Variants in PSPC1 observed in about 807,000 individuals in gnomAD.
The protein encoded by PSPC1 is paraspeckle protein 1.
In PSPC1, 14 loss-of-function variants were observed where a neutral mutation model predicts 51.6. The ratio of observed to expected loss-of-function variants is 0.27; its 90% confidence interval spans 0.18 to 0.42. The LOEUF (loss-of-function observed/expected upper bound fraction) is 0.42. PSPC1 is among the 10% of genes least tolerant of loss of function. The pLI is 1.00. For missense variants in PSPC1, 406 were observed against 701.1 expected, an observed-to-expected ratio of 0.58 and a Z score of 4.75; for synonymous variants, 193 against 231.9, an observed-to-expected ratio of 0.83 and a Z score of 1.53.
chr13:19,706,846 C>T (rs748010163), intron 7 of PSPC1, among the ~76,000 whole-genome samples: 4 of 152,150 alleles, frequency 2.6e-5, no homozygotes, highest in Admixed American at 6.5e-5. Context: ...CTCTATATGG[C>T]TGAGTCCTTA....
intron 6 of PSPC1, among the ~76,000 whole-genome samples, chr13:19,727,239 C>G (rs1266336551): frequency 1.3e-5 from 2 of 151,948 alleles, no homozygotes; most frequent in Non-Finnish European, 2.9e-5. Context: ...ACCAAAAATA[C>G]AAAAATTAGC....
At chr13:19,755,346 T>C (rs113828022) in intron 3 of PSPC1, among the ~76,000 whole-genome samples, 1 of 152,102 alleles carries the variant, frequency 6.6e-6, no homozygotes, top group Non-Finnish European at 1.5e-5. Flanking sequence ...TCCCAGCACT[T>C]TGGGAGGCTG....
At chr13:19,769,552 CA>C (rs1004813632) in intron 2 of PSPC1, among the ~76,000 whole-genome samples, 2 of 149,394 alleles carry the variant, frequency 1.3e-5, no homozygotes, top group Admixed American at 1.3e-4. Flanking sequence ...GACTCCGTCT[CA>C]AAAAAAAACC....
intron 3 of PSPC1, among the ~76,000 whole-genome samples, chr13:19,758,085 TG>T (rs1218720908): frequency 6.6e-6 from 1 of 150,676 alleles, no homozygotes; most frequent in Non-Finnish European, 1.5e-5. Flanking sequence ...GAGGCCGAGG[TG>T]GGTGGATCAC....
intron 5 of PSPC1, among the ~76,000 whole-genome samples, chr13:19,730,957 C>CAAAAAAAAAAAAAAAAAA (rs1483772556): frequency 8.1e-5 from 3 of 36,956 alleles, no homozygotes; most frequent in African/African-American, 1.6e-4. Flanking sequence ...AAAAAAAAAA[C>CAAAAAAAAAAAAAAAAAA]AAAAAAACAA....
Position 19,782,299 on chromosome 13 carries a change from T to C in PSPC1, c.372+87A>G, listed in dbSNP as rs1032845907. 9.4e-6 allele frequency: 14 copies of C among 1,484,290 alleles called. No individual in the cohort carries two copies. Among genetic ancestry groups the C allele is most frequent in the Non-Finnish European group, 1.1e-5 (12 of 1,121,666 alleles). 91.9% of individuals were successfully genotyped at this position (1,484,290 alleles called of 1,614,324 possible). A position where few individuals can be genotyped will look rare whatever the true frequency, so the allele number is the denominator to read the frequency against. On this transcript the variant is annotated intron_variant, in intron 1 of 8. Coordinates refer to ENST00000338910, the MANE Select transcript of PSPC1 (RefSeq NM_001354909.2). The surrounding 1 kb of genome is among the most constrained non-coding windows in gnomAD (Gnocchi z 4.5). ...ACGGTTGCCACAGGTTGAGACAGCGTCCTAGGACGAGGCTGGCCTCAGCCC... is the reference window on the plus strand; with the variant it reads ...ACGGTTGCCACAGGTTGAGACAGCGCCCTAGGACGAGGCTGGCCTCAGCCC...
At chr13:19,677,780 A>C in exon 7 of PSPC1, 1 of 489,022 alleles carries the variant, frequency 2.0e-6, no homozygotes, top group South Asian at 1.5e-5. Flanking sequence ...ATTACACTGC[A>C]AGCTGAACTT....
intron 6 of PSPC1, among the ~76,000 whole-genome samples, chr13:19,693,593 T>C (rs4769895): frequency 0.13 from 19,588 of 152,230 alleles, 1,626 homozygotes; most frequent in Admixed American, 0.19. Context: ...AAGAGAAATC[T>C]TGTATGTACG....
intron 6 of PSPC1, among the ~76,000 whole-genome samples, chr13:19,692,723 C>T (rs757196191): frequency 1.2e-4 from 18 of 152,132 alleles, no homozygotes; most frequent in Non-Finnish European, 1.8e-4. Flanking sequence ...ATAGTATCCT[C>T]AACCCATCAT....
chr13:19,671,583 G>A (rs969731136), downstream of PSPC1, among the ~76,000 whole-genome samples: 6 of 152,056 alleles, frequency 3.9e-5, no homozygotes, highest in African/African-American at 9.7e-5. Context: ...TCTTTAGGCC[G>A]GTCCCTAACC....
rs1886527397 is a variant in PSPC1, at chr13:19,751,266, T to C, written c.967+5A>G. On this transcript the variant is annotated splice_donor_5th_base_variant and intron_variant, in intron 4 of 8. Transcript: ENST00000338910. ...TACCACATGTACATGAAAATCCATA[T>C]TTACCTTGCCTCATTAGCATTAATT... 1 of 1,522,368 alleles carries C rather than the reference T, an allele frequency of 6.6e-7. No individual in the cohort carries two copies. The allele number at this position is 1,522,368 out of a possible 1,614,324, so 94.3% of individuals were successfully genotyped here.
At chr13:19,743,898 G>C (rs139353188) in intron 4 of PSPC1, among the ~76,000 whole-genome samples, 1 of 151,926 alleles carries the variant, frequency 6.6e-6, no homozygotes, top group Admixed American at 6.6e-5. Flanking sequence ...ACCTGAGGTC[G>C]GGAGTTGGAG....
At chr13:19,672,969 T>C (rs1393184447), downstream of PSPC1, 24 of 402,062 alleles carry the variant, frequency 6.0e-5, no homozygotes, top group Non-Finnish European at 1.1e-4. Context: ...GGTGAAAGGA[T>C]TGCTTGAGCC....
At chr13:19,673,844 A>T (rs753797640), downstream of PSPC1, among the ~76,000 whole-genome samples, 1 of 152,240 alleles carries the variant, frequency 6.6e-6, no homozygotes, top group Non-Finnish European at 1.5e-5. Context: ...GCACCTTACC[A>T]AAAGGTTTAT....
At chr13:19,679,454 C>T (rs1357471770) in intron 6 of PSPC1, among the ~76,000 whole-genome samples, 2 of 152,098 alleles carry the variant, frequency 1.3e-5, no homozygotes, top group African/African-American at 4.8e-5. Flanking sequence ...TGAGATCACA[C>T]CACTGTGCTC....
At chr13:19,697,491 G>A (rs1258515495) in intron 6 of PSPC1, among the ~76,000 whole-genome samples, 1 of 152,070 alleles carries the variant, frequency 6.6e-6, no homozygotes, top group Non-Finnish European at 1.5e-5. Context: ...TGAATGACAT[G>A]GCACCTCATA....
At chr13:19,736,422 G>A (rs534668521) in intron 5 of PSPC1, among the ~76,000 whole-genome samples, 276 of 152,140 alleles carry the variant, frequency 1.8e-3, no homozygotes, top group Non-Finnish European at 3.4e-3. Flanking sequence ...AGTGGCTCAA[G>A]CCTGTAATCC....
chr13:19,734,268 T>C (rs1884491347), intron 5 of PSPC1, among the ~76,000 whole-genome samples: 1 of 152,334 alleles, frequency 6.6e-6, no homozygotes, highest in Non-Finnish European at 1.5e-5. Flanking sequence ...CTAGTAATTA[T>C]GACAAATTTT....
intron 3 of PSPC1, among the ~76,000 whole-genome samples, chr13:19,759,084 A>G (rs1887368068): frequency 1.3e-5 from 2 of 152,064 alleles, no homozygotes; most frequent in Non-Finnish European, 2.9e-5. Context: ...TGGGAGGTAG[A>G]GATTACAGGG....
Sources: gnomAD v4.1 joint callset for allele counts (sites outside exome capture counted in the v4.1 genomes callset) on GRCh38, gnomAD v4.1.1 for gene constraint, Gnocchi (gnomAD v3.1) non-coding constraint, MANE v1.5 for transcripts, NCBI Gene and HGNC (gene_info 2026-07-23, HGNC 2026-07-21) for gene names.